Variants in NRXN1 observed in about 807,000 individuals in gnomAD.
NRXN1 encodes the protein neurexin-1.
A neutral mutation model predicts 150.9 loss-of-function variants in NRXN1; 39 were observed. The observed-to-expected ratio is 0.26, with a 90% CI of 0.20 to 0.34. NRXN1 has a LOEUF of 0.34. Among genes scored for constraint, NRXN1 ranks in the 10% least tolerant of loss-of-function variants. The pLI, the probability that NRXN1 is intolerant of heterozygous loss-of-function variation, is 1.00. For synonymous variants in NRXN1, 924 were observed against 757.0 expected, an observed-to-expected ratio of 1.22 and a Z score of -3.62; for missense variants, 1,815 against 1,949.9, an observed-to-expected ratio of 0.93 and a Z score of 1.30.
intron 17 of NRXN1, among the ~76,000 whole-genome samples, chr2:50,286,205 A>C (rs2072143489): frequency 6.6e-6 from 1 of 152,154 alleles, no homozygotes; most frequent in Non-Finnish European, 1.5e-5. Context: ...TGCAGTCACC[A>C]TGTACAATAG....
At chr2:50,702,439 A>G (rs2104972338) in intron 5 of NRXN1, among the ~76,000 whole-genome samples, 1 of 152,258 alleles carries the variant, frequency 6.6e-6, no homozygotes, top group African/African-American at 2.4e-5. Flanking sequence ...AGAATGACAA[A>G]TAGCTCAGTT....
At chr2:50,047,840 A>G (rs756584491) in intron 21 of NRXN1, among the ~76,000 whole-genome samples, 94 of 152,116 alleles carry the variant, frequency 6.2e-4, no homozygotes, top group Non-Finnish European at 6.2e-4. Context: ...CTGTATTTCT[A>G]CAGACTAGAA....
chr2:50,952,470 G>T (rs1262186736), intron 2 of NRXN1, among the ~76,000 whole-genome samples: 21 of 152,028 alleles, frequency 1.4e-4, no homozygotes, highest in Admixed American at 1.4e-3. Flanking sequence ...TAATGTTTTT[G>T]TTTGTCATGC....
rs80040733 is a variant in NRXN1 at position 50,378,139 on chromosome 2, A to T, written c.3364+87303T>A. On this transcript the variant is annotated intron_variant, in intron 17 of 22. Coordinates refer to ENST00000401669, the MANE Select transcript of NRXN1 (RefSeq NM_001330078.2). ...ATGGTAAGCTAGATCAGCCATGGAA[A>T]TATGCATTAGTCAATAAGTTTGATA... Among the ~76,000 whole-genome samples the T allele has an allele frequency of 1.9e-3, 285 of 152,298 alleles. 1 individual carries two copies. The highest frequency in any genetic ancestry group is 6.6e-3 in the African/African-American group (275 of 41,588).
chr2:50,726,018 G>GT (rs1282626214), intron 5 of NRXN1, among the ~76,000 whole-genome samples: 7 of 152,126 alleles, frequency 4.6e-5, no homozygotes, highest in African/African-American at 1.7e-4. Flanking sequence ...TTTACTCTCA[G>GT]TACCATAGAA....
chr2:50,284,249 T>A (rs1230624339), intron 17 of NRXN1, among the ~76,000 whole-genome samples: 1 of 152,182 alleles, frequency 6.6e-6, no homozygotes, highest in Non-Finnish European at 1.5e-5. Context: ...TTTCTCTTCA[T>A]GTCTTAATCC....
At chr2:50,657,637 G>C (rs1232700663) in intron 5 of NRXN1, among the ~76,000 whole-genome samples, 1 of 151,984 alleles carries the variant, frequency 6.6e-6, no homozygotes. Context: ...GGGTGTTCTT[G>C]CTTCTCATTA....
At chr2:51,001,645 A>G (rs1700091854) in intron 2 of NRXN1, among the ~76,000 whole-genome samples, 1 of 152,034 alleles carries the variant, frequency 6.6e-6, no homozygotes, top group Non-Finnish European at 1.5e-5. Flanking sequence ...CACAGTAAAC[A>G]TTATAAAAAA....
intron 18 of NRXN1, among the ~76,000 whole-genome samples, chr2:50,128,337 G>C (rs147316958): frequency 6.6e-6 from 1 of 152,292 alleles, no homozygotes; most frequent in East Asian, 1.9e-4. Flanking sequence ...TGAGTCCATA[G>C]TATTATATGC....
intron 12 of NRXN1, among the ~76,000 whole-genome samples, chr2:50,520,705 TA>T (rs2092763286): frequency 6.6e-6 from 1 of 151,990 alleles, no homozygotes; most frequent in African/African-American, 2.4e-5. Context: ...TTTAGCAGTA[TA>T]AAATTTCTCA....
At chr2:50,447,505 A>G (rs1256135051) in intron 17 of NRXN1, among the ~76,000 whole-genome samples, 3 of 130,828 alleles carry the variant, frequency 2.3e-5, no homozygotes, top group Admixed American at 7.9e-5. Flanking sequence ...AAAAAAAAAA[A>G]GGAATTCTGT....
At chr2:50,745,309 A>G (rs1309027727) in intron 5 of NRXN1, among the ~76,000 whole-genome samples, 1 of 70,136 alleles carries the variant, frequency 1.4e-5, no homozygotes, top group Non-Finnish European at 2.8e-5. Context: ...GCCCCCCCCC[A>G]GGACTGAAAA....
At chr2:50,799,584 C>T (rs1707301339) in intron 5 of NRXN1, among the ~76,000 whole-genome samples, 1 of 152,120 alleles carries the variant, frequency 6.6e-6, no homozygotes, top group Non-Finnish European at 1.5e-5. Flanking sequence ...ACGTCGAGTA[C>T]CCACATAACC....
rs554067439 is a variant in NRXN1, at chr2:50,037,035, G to A, written c.4128+16236C>T. Among the ~76,000 whole-genome samples, 3 of 152,224 alleles carry A rather than the reference G, an allele frequency of 2.0e-5. No homozygotes were observed. The South Asian group carries it at 6.2e-4, about 32-fold the overall frequency. ...AAGCAACTAAGTTTTAGAGGAGCTTGGAACACATCAAAAACTAAATGACAC... is the reference window on the plus strand; with the variant it reads ...AAGCAACTAAGTTTTAGAGGAGCTTAGAACACATCAAAAACTAAATGACAC... On this transcript the variant is annotated intron_variant, in intron 21 of 22. Coordinates refer to ENST00000401669, the MANE Select transcript of NRXN1 (RefSeq NM_001330078.2).
chr2:50,922,956 G>A (rs1266573108), intron 3 of NRXN1, among the ~76,000 whole-genome samples: 1 of 151,854 alleles, frequency 6.6e-6, no homozygotes, highest in Admixed American at 6.6e-5. Context: ...ACAAGAGCAT[G>A]ACTTAAAATC....
At chr2:50,936,546 G>C (rs987710043) in intron 2 of NRXN1, among the ~76,000 whole-genome samples, 5 of 152,118 alleles carry the variant, frequency 3.3e-5, no homozygotes, top group Non-Finnish European at 7.4e-5. Context: ...GCTTGTGGCA[G>C]TACCTAGTAG....
chr2:50,176,913 A>C (rs1273135600), intron 18 of NRXN1, among the ~76,000 whole-genome samples: 2 of 152,140 alleles, frequency 1.3e-5, no homozygotes, highest in Non-Finnish European at 2.9e-5. Flanking sequence ...GAAAGGTGGT[A>C]ATCATAAGAA....
At chr2:50,739,610 A>G (rs1470226373) in intron 5 of NRXN1, among the ~76,000 whole-genome samples, 4 of 152,134 alleles carry the variant, frequency 2.6e-5, no homozygotes, top group Non-Finnish European at 2.9e-5. Flanking sequence ...TACTTACTCT[A>G]TTGCATTGGT....
At chr2:50,943,410 T>C (rs1050375032) in intron 2 of NRXN1, among the ~76,000 whole-genome samples, 5 of 152,206 alleles carry the variant, frequency 3.3e-5, no homozygotes, top group Middle Eastern at 3.2e-3. Context: ...TAGAAAGCTA[T>C]GGTCCAGAGT....
Sources: gnomAD v4.1 joint callset for allele counts (sites outside exome capture counted in the v4.1 genomes callset) on GRCh38, gnomAD v4.1.1 for gene constraint, MANE v1.5 for transcripts, NCBI Gene and HGNC (gene_info 2026-07-23, HGNC 2026-07-21) for gene names.